Variants in NR3C2 observed in about 807,000 individuals in gnomAD.
NR3C2 encodes the protein mineralocorticoid receptor.
Under a neutral mutation model 86.4 loss-of-function variants are expected in NR3C2, and 15 were observed. The observed-to-expected ratio is 0.17, with a 90% CI of 0.12 to 0.27. NR3C2 has a LOEUF of 0.27. Ranked by LOEUF, NR3C2 falls within the 10% of genes least tolerant of loss-of-function variation. The pLI is 1.00. For missense variants in NR3C2, 960 were observed against 1,195.6 expected (o/e 0.80, Z 2.91); for synonymous variants, 458 against 450.5 (o/e 1.02, Z -0.21).
chr4:148,096,829 G>A (rs900945144), intron 8 of NR3C2, among the ~76,000 whole-genome samples: 8 of 152,206 alleles, frequency 5.3e-5, no homozygotes, highest in Non-Finnish European at 1.2e-4. Context: ...CTGAGTAGCT[G>A]TAACCAAGAT....
At chr4:148,167,614 A>G (rs1388294003) in intron 4 of NR3C2, among the ~76,000 whole-genome samples, 1 of 152,228 alleles carries the variant, frequency 6.6e-6, no homozygotes, top group Non-Finnish European at 1.5e-5. Flanking sequence ...GAACTTATCT[A>G]AGTATTTTAT....
chr4:148,209,685 A>G (rs983434556), intron 3 of NR3C2, among the ~76,000 whole-genome samples: 1 of 152,218 alleles, frequency 6.6e-6, no homozygotes, highest in South Asian at 2.1e-4. Flanking sequence ...TTAGAGTCCT[A>G]TATAACAAAA....
chr4:148,238,132 G>A (rs978600702), intron 3 of NR3C2, among the ~76,000 whole-genome samples: 6 of 151,838 alleles, frequency 4.0e-5, no homozygotes, highest in Admixed American at 3.3e-4. Context: ...TCTATTTTCA[G>A]GCATCCTCGC....
intron 2 of NR3C2, among the ~76,000 whole-genome samples, chr4:148,267,897 C>A (rs542519768): frequency 6.6e-6 from 1 of 151,228 alleles, no homozygotes; most frequent in South Asian, 2.1e-4. Flanking sequence ...CTCTTTGCTG[C>A]ATTTCCTTTT....
chr4:148,142,555 C>T (rs111592438), intron 6 of NR3C2, among the ~76,000 whole-genome samples: 4,991 of 152,190 alleles, frequency 0.033, 276 homozygotes, highest in African/African-American at 0.11. Context: ...AGTGCAGTGG[C>T]GCAACCACGG....
chr4:148,206,556 CT>C (rs1301593550), intron 3 of NR3C2, among the ~76,000 whole-genome samples: 1 of 152,192 alleles, frequency 6.6e-6, no homozygotes, highest in African/African-American at 2.4e-5. Flanking sequence ...AAATTTCAGT[CT>C]GTTTGAACCA....
chr4:148,093,166 G>T (rs1404443875), intron 8 of NR3C2, among the ~76,000 whole-genome samples: 2 of 152,232 alleles, frequency 1.3e-5, no homozygotes, highest in African/African-American at 4.8e-5. Context: ...GGTGGAAGAG[G>T]AGCCTGGCAA....
chr4:148,299,958 G>C (rs2883929), intron 2 of NR3C2, among the ~76,000 whole-genome samples: 1 of 152,022 alleles, frequency 6.6e-6, no homozygotes, highest in Non-Finnish European at 1.5e-5. Flanking sequence ...TTTGATTATC[G>C]AAAGGGATTG....
chr4:148,133,623 A>AT (rs751864226), intron 6 of NR3C2, among the ~76,000 whole-genome samples: 2 of 152,232 alleles, frequency 1.3e-5, no homozygotes, highest in Non-Finnish European at 2.9e-5. Context: ...TCATGGGGTC[A>AT]TATTCTTGGA....
chr4:148,352,980 G>C (rs1745370969), intron 2 of NR3C2, among the ~76,000 whole-genome samples: 1 of 152,064 alleles, frequency 6.6e-6, no homozygotes, highest in Non-Finnish European at 1.5e-5. Context: ...CACCAGAAGT[G>C]ACAAGGCAGA....
intron 3 of NR3C2, among the ~76,000 whole-genome samples, chr4:148,215,498 G>A (rs755590762): frequency 6.6e-6 from 1 of 152,162 alleles, no homozygotes; most frequent in Non-Finnish European, 1.5e-5. Flanking sequence ...GGAGAAGGTG[G>A]AGGTAATTCA....
intron 6 of NR3C2, among the ~76,000 whole-genome samples, chr4:148,138,266 T>C (rs1733444782): frequency 6.6e-6 from 1 of 152,154 alleles, no homozygotes; most frequent in Non-Finnish European, 1.5e-5. Context: ...TGTCATGATA[T>C]CAGAAAGGAA....
At chr4:148,380,024 G>A (rs767261572) in intron 2 of NR3C2, among the ~76,000 whole-genome samples, 2 of 152,142 alleles carry the variant, frequency 1.3e-5, no homozygotes, top group African/African-American at 2.4e-5. Context: ...AATGTAATTA[G>A]GGTAAATATA....
chr4:148,122,032 C>T (rs552848242), intron 6 of NR3C2, among the ~76,000 whole-genome samples: 17 of 149,716 alleles, frequency 1.1e-4, no homozygotes, highest in Non-Finnish European at 2.1e-4. Context: ...AGAGCATGAG[C>T]GTGCCCTTAC....
intron 3 of NR3C2, chr4:148,207,892 T>C (rs182719645): frequency 2.0e-5 from 3 of 152,334 alleles, no homozygotes; most frequent in East Asian, 1.9e-4. Context: ...TAACTAATAA[T>C]AACACAGTAA....
At chr4:148,340,586 T>C (rs975332903) in intron 2 of NR3C2, among the ~76,000 whole-genome samples, 1 of 152,104 alleles carries the variant, frequency 6.6e-6, no homozygotes, top group Non-Finnish European at 1.5e-5. Context: ...CAAAGATTTG[T>C]TGGGTAAGAC....
chr4:148,135,499 T>A (rs979187538), intron 6 of NR3C2, among the ~76,000 whole-genome samples: 1 of 152,166 alleles, frequency 6.6e-6, no homozygotes. Flanking sequence ...CTTCTCAGCC[T>A]CTAGGACTGT....
chr4:148,178,902 G>C (rs752477250), intron 4 of NR3C2, among the ~76,000 whole-genome samples: 1 of 147,332 alleles, frequency 6.8e-6, no homozygotes, highest in Non-Finnish European at 1.5e-5. Context: ...GACAAAGAGA[G>C]GTAGAGTGAA....
chr4:148,261,948 T>C (rs35694427), intron 2 of NR3C2, among the ~76,000 whole-genome samples: 1,567 of 152,358 alleles, frequency 0.01, 12 homozygotes, highest in Admixed American at 0.018. Flanking sequence ...ACTGAAATAA[T>C]GTTCTCCAAA....
Sources: gnomAD v4.1 joint callset for allele counts (sites outside exome capture counted in the v4.1 genomes callset) on GRCh38, gnomAD v4.1.1 for gene constraint, MANE v1.5 for transcripts, NCBI Gene and HGNC (gene_info 2026-07-23, HGNC 2026-07-21) for gene names.